PROSER2: variants seen among roughly 807,000 people sequenced by gnomAD.
The protein encoded by PROSER2 is proline and serine rich 2, also known as proline and serine-rich protein 2.
PROSER2 carries 18 observed loss-of-function variants against 14.6 expected under a neutral mutation model. The ratio of observed to expected loss-of-function variants is 1.23; its 90% CI spans 0.85 to 1.83. The LOEUF (loss-of-function observed/expected upper bound fraction) is 1.83. PROSER2 is among the 40% of genes most tolerant of loss of function. The pLI is 0.00. For missense variants in PROSER2, 823 were observed against 629.8 expected (o/e 1.31, Z -3.28); for synonymous variants, 367 against 286.4 (o/e 1.28, Z -2.84).
rs1438051299 is a variant in PROSER2 at position 11,852,071 on chromosome 10, T to C, written c.-7T>C. The C allele has an allele frequency of 1.9e-6, 3 of 1,605,862 alleles. No individual in the cohort carries two copies. The highest frequency in any genetic ancestry group is 2.6e-6 in the Non-Finnish European group (3 of 1,175,912). On this transcript the variant is annotated 5_prime_UTR_variant, in exon 2 of 4. Transcript: ENST00000277570. The stretch of plus-strand genomic sequence containing the variant: ...GTGATCGAGCCGGCCCTGAGGACTC[T>C]GTGGAGATGCCTGTAACCCACCGGA...
chr10:11,870,367 G>C lies in PROSER2; in HGVS notation c.1269G>C (p.Glu423Asp). 6.6e-7 allele frequency: 1 copy of C among 1,507,736 alleles called. No individual in the cohort carries two copies. The highest frequency in any genetic ancestry group is 8.8e-7 in the Non-Finnish European group (1 of 1,130,036). 93.4% of individuals were successfully genotyped at this position (1,507,736 alleles called of 1,614,324 possible). Reference sequence around the variant, plus strand: ...GCTCCTCGGAGGAGGCGCGCAGGGAGGCCCTGCGGAAGCTGGGGCTGCTCA... The same window carrying C: ...GCTCCTCGGAGGAGGCGCGCAGGGACGCCCTGCGGAAGCTGGGGCTGCTCA... ...GRGSSEEARR[E>D]ALRKLGLLRE... is the part of the protein sequence containing the mutation. Residue 423 changes from glutamate (E) to aspartate (D), a missense_variant, in exon 4 of 4, where the codon GAG becomes GAC. By Grantham distance (45) the Glu-to-Asp change is conservative (BLOSUM62 2). Coordinates refer to ENST00000277570, the MANE Select transcript of PROSER2 (RefSeq NM_153256.4).
At chr10:11,858,269 G>A (rs982516700) in intron 2 of PROSER2, among the ~76,000 whole-genome samples, 6 of 152,172 alleles carry the variant, frequency 3.9e-5, no homozygotes, top group East Asian at 1.9e-4. Context: ...TTCAGTACAC[G>A]TATTTTAAGC....
intron 1 of PROSER2, among the ~76,000 whole-genome samples, chr10:11,824,365 A>G (rs1454339858): frequency 6.6e-6 from 1 of 152,264 alleles, no homozygotes; most frequent in Non-Finnish European, 1.5e-5. Flanking sequence ...AGGTATCGAA[A>G]GACCAAACCA....
chr10:11,829,507 A>G (rs1833662179), intron 1 of PROSER2, among the ~76,000 whole-genome samples: 1 of 151,824 alleles, frequency 6.6e-6, no homozygotes, highest in Non-Finnish European at 1.5e-5. Flanking sequence ...GCTTGAGCCC[A>G]GGAGGTTGAG....
chr10:11,829,414 C>A lies in PROSER2; in HGVS notation c.-82+5944C>A, dbSNP rs890583596. Among the ~76,000 whole-genome samples, 3 of 151,384 alleles carry A rather than the reference C, an allele frequency of 2.0e-5. No individual in the cohort carries two copies. In the Admixed American group the frequency reaches 2.0e-4, roughly 10 times the overall value. The stretch of plus-strand genomic sequence containing the variant: ...AGTCTGGGAAACATAGGGAGACCCC[C>A]ATCTACAAAAAATTAAAAAATTAGC... On this transcript the variant is annotated intron_variant, in intron 1 of 3. Transcript: ENST00000277570.
rs989685999 is a variant in PROSER2 at position 11,862,429 on chromosome 10, T to C, written c.139-4102T>C. On this transcript the variant is annotated intron_variant, in intron 2 of 3. Transcript: ENST00000277570. The surrounding 1 kb of genome is among the most constrained non-coding windows in gnomAD (Gnocchi z 4.2). ...ACTATAGAATGGGCACAGTGGCTCATGCCTACAATAACACCACTTTGGGAA... is the reference window on the plus strand; with the variant it reads ...ACTATAGAATGGGCACAGTGGCTCACGCCTACAATAACACCACTTTGGGAA... Among the ~76,000 whole-genome samples the C allele has an allele frequency of 9.9e-5, 15 of 152,236 alleles. No individual in the cohort carries two copies. The highest frequency in any genetic ancestry group is 3.4e-4 in the African/African-American group (14 of 41,460).
rs1481493692 is a variant in PROSER2 at position 11,838,375 on chromosome 10, G to A, written c.-81-13622G>A. 5.3e-5 allele frequency among the ~76,000 whole-genome samples: 8 copies of A among 152,216 alleles called. No homozygotes were observed. The highest frequency in any genetic ancestry group is 5.2e-4 in the Admixed American group (8 of 15,272). The stretch of plus-strand genomic sequence containing the variant: ...TGATCTAACTGATGTGCAGTATTCC[G>A]TAGTAAGCATTTACCACGTTTCTAC... On this transcript the variant is annotated intron_variant, in intron 1 of 3. Coordinates refer to ENST00000277570, the MANE Select transcript of PROSER2 (RefSeq NM_153256.4). The surrounding 1 kb of genome is among the most constrained non-coding windows in gnomAD (Gnocchi z 4.4).
At chr10:11,824,651 A>G (rs925876108) in intron 1 of PROSER2, among the ~76,000 whole-genome samples, 31 of 152,222 alleles carry the variant, frequency 2.0e-4, no homozygotes, top group African/African-American at 5.5e-4. Flanking sequence ...GCCAAAGTTG[A>G]CAGCGTATGT....
At chr10:11,824,410 G>C (rs925948240) in intron 1 of PROSER2, among the ~76,000 whole-genome samples, 2 of 152,190 alleles carry the variant, frequency 1.3e-5, no homozygotes, top group Non-Finnish European at 2.9e-5. Context: ...ATACTCATAG[G>C]AGAAAACTTT....
At chr10:11,861,765 C>G (rs955574636) in intron 2 of PROSER2, among the ~76,000 whole-genome samples, 11 of 152,168 alleles carry the variant, frequency 7.2e-5, no homozygotes, top group African/African-American at 2.4e-4. Flanking sequence ...CTGCACAGCC[C>G]AGAATATTCA....
At chr10:11,832,552 C>G in intron 1 of PROSER2, among the ~76,000 whole-genome samples, 1 of 152,120 alleles carries the variant, frequency 6.6e-6, no homozygotes, top group Non-Finnish European at 1.5e-5. Flanking sequence ...TTATTGGTGT[C>G]AACTTTTTAA....
chr10:11,847,175 A>T (rs1368947969), intron 1 of PROSER2, among the ~76,000 whole-genome samples: 1 of 147,998 alleles, frequency 6.8e-6, no homozygotes, highest in African/African-American at 2.5e-5. Context: ...ATATATATAT[A>T]TATATATATG....
chr10:11,856,957 C>T lies in PROSER2; in HGVS notation c.138+4742C>T, dbSNP rs912626028. The stretch of plus-strand genomic sequence containing the variant: ...GCCATAACCCCGCCCTTTCATGCTG[C>T]CTTCTCACCCAGCTGGAATCCAAAT... On this transcript the variant is annotated intron_variant, in intron 2 of 3. Transcript: ENST00000277570. The surrounding 1 kb of genome is among the most constrained non-coding windows in gnomAD (Gnocchi z 5.3). Among the ~76,000 whole-genome samples, 4 of 152,222 alleles carry T rather than the reference C, an allele frequency of 2.6e-5. No homozygotes were observed. Among genetic ancestry groups the T allele is most frequent in the Admixed American group, 1.3e-4 (2 of 15,280 alleles).
In PROSER2 at chr10:11,869,556, C is replaced by T. The variant is rs755953494; in HGVS notation, c.458C>T (p.Pro153Leu). The part of the protein sequence containing the change: ...DAETPPPPDP[P>L]APETLLAPPP... The stretch of plus-strand genomic sequence containing the variant: ...GAGACTCCTCCACCTCCAGACCCCC[C>T]GGCTCCCGAGACCCTTCTTGCGCCA... The change falls in exon 4 of 4, where the codon CCG (proline) becomes CTG (leucine). Residue 153 changes from proline (P) to leucine (L), a missense_variant. Pro to Leu is a moderately conservative substitution (Grantham distance 98, BLOSUM62 -3). Transcript: ENST00000277570. The surrounding 1 kb of genome is among the most constrained non-coding windows in gnomAD (Gnocchi z 4.4). The T allele has an allele frequency of 9.3e-6, 15 of 1,612,756 alleles. 1 individual carries two copies. In the South Asian group the frequency reaches 1.1e-4, roughly 12 times the overall value.
intron 2 of PROSER2, among the ~76,000 whole-genome samples, chr10:11,857,635 C>A (rs1834146601): frequency 6.6e-6 from 1 of 151,574 alleles, no homozygotes; most frequent in Non-Finnish European, 1.5e-5. Flanking sequence ...ATCCCAGCTG[C>A]TCCGGAGGCT....
chr10:11,855,248 C>A (rs910136047), intron 2 of PROSER2, among the ~76,000 whole-genome samples: 2 of 149,274 alleles, frequency 1.3e-5, no homozygotes, highest in Non-Finnish European at 3.0e-5. Context: ...CCAAGGCAGG[C>A]GGATCACGAG....
chr10:11,839,101 C>T (rs573154894), intron 1 of PROSER2, among the ~76,000 whole-genome samples: 9 of 152,252 alleles, frequency 5.9e-5, no homozygotes, highest in Admixed American at 2.6e-4. Context: ...GTACAAACAA[C>T]ATTAGTATTT....
rs943661702 is a variant in PROSER2 at position 11,838,880 on chromosome 10, C to T, written c.-81-13117C>T. On this transcript the variant is annotated intron_variant, in intron 1 of 3. Transcript: ENST00000277570. This position sits in a 1 kb window ranked among gnomAD's most constrained non-coding sequence, Gnocchi z 4.4. The stretch of plus-strand genomic sequence containing the variant: ...GAAGGTTTTCTTATATTCTAGCTAT[C>T]AATTCCTTATACGTATTAGACATAG... 6.6e-6 allele frequency among the ~76,000 whole-genome samples: 1 copy of T among 152,158 alleles called. No individual in the cohort carries two copies. The highest frequency in any genetic ancestry group is 2.4e-5 in the African/African-American group (1 of 41,430).
intron 2 of PROSER2, among the ~76,000 whole-genome samples, chr10:11,852,871 A>AAGTGCTGGGATTATAGGCGTGAGCCACC (rs1554767227): frequency 1.1e-4 from 15 of 140,118 alleles, no homozygotes; most frequent in Admixed American, 2.2e-4. Context: ...CGGCCACTCA[A>AAGTGCTGGGATTATAGGCGTGAGCCACC]GCTGATGTTT....
Sources: gnomAD v4.1 joint callset for allele counts (sites outside exome capture counted in the v4.1 genomes callset) on GRCh38, gnomAD v4.1.1 for gene constraint, Gnocchi (gnomAD v3.1) non-coding constraint, MANE v1.5 for transcripts, NCBI Gene and HGNC (gene_info 2026-07-23, HGNC 2026-07-21) for gene names.